ENPP2: variants seen among roughly 807,000 people sequenced by gnomAD.
ENPP2 encodes the protein ectonucleotide pyrophosphatase/phosphodiesterase 2, also known as autotaxin.
Under a neutral mutation model 120.2 loss-of-function variants are expected in ENPP2, and 51 were observed. The observed-to-expected ratio is 0.42, with a 90% CI of 0.34 to 0.54. ENPP2 has a LOEUF of 0.54. Ranked by LOEUF, ENPP2 falls within the 20% of genes least tolerant of loss-of-function variation. The probability of loss-of-function intolerance (pLI) is 0.04; values close to 1 mark genes in which losing one functional copy is unlikely to be tolerated. For missense variants in ENPP2, 920 were observed against 1,066.5 expected (o/e 0.86, Z 1.91); for synonymous variants, 365 against 366.4 (o/e 1.00, Z 0.04).
At chr8:119,599,314 A>T (rs1221319175) in intron 11 of ENPP2, among the ~76,000 whole-genome samples, 2 of 152,202 alleles carry the variant, frequency 1.3e-5, no homozygotes, top group African/African-American at 4.8e-5. Flanking sequence ...ATTGATGTCA[A>T]AGCATTCAGA....
At chr8:119,583,493 A>T (rs1812891327) in intron 17 of ENPP2, among the ~76,000 whole-genome samples, 1 of 152,246 alleles carries the variant, frequency 6.6e-6, no homozygotes, top group Non-Finnish European at 1.5e-5. Flanking sequence ...TGCCAACAGC[A>T]ACACTATGAA....
intron 21 of ENPP2, among the ~76,000 whole-genome samples, chr8:119,569,010 GACA>G (rs3835102): frequency 0.047 from 7,134 of 152,248 alleles, 254 homozygotes; most frequent in South Asian, 0.12. Context: ...TGTAAGGCGG[GACA>G]CAGAAGATTC....
upstream of ENPP2, among the ~76,000 whole-genome samples, chr8:119,643,073 G>C (rs1479573805): frequency 6.6e-6 from 1 of 152,166 alleles, no homozygotes; most frequent in Non-Finnish European, 1.5e-5. Context: ...GTCATTTTCT[G>C]TAGTATCATT....
chr8:119,658,792 A>G (rs2130890729), intron 1 of ENPP2, among the ~76,000 whole-genome samples: 1 of 152,130 alleles, frequency 6.6e-6, no homozygotes, highest in East Asian at 1.9e-4. Context: ...AAGTCCCCAA[A>G]CCCCAGCACT....
upstream of ENPP2, among the ~76,000 whole-genome samples, chr8:119,643,307 C>T (rs1250014894): frequency 8.5e-5 from 13 of 152,120 alleles, no homozygotes; most frequent in Non-Finnish European, 1.5e-4. Flanking sequence ...GGCTCAATTG[C>T]TCCCACAATC....
Position 119,582,453 on chromosome 8 carries a change from G to A in ENPP2, c.1693C>T (p.Leu565=). The A allele has an allele frequency of 1.2e-6, 2 of 1,614,000 alleles. No homozygotes were observed. The highest frequency in any genetic ancestry group is 8.5e-7 in the Non-Finnish European group (1 of 1,179,936). Residue 565 remains leucine (L), a synonymous_variant, in exon 18 of 25, where the codon CTG becomes TTG. Coordinates refer to ENST00000075322, the MANE Select transcript of ENPP2 (RefSeq NM_001040092.3). ...GIMYLQSDFD[L]GCTCDDKVEP... The stretch of plus-strand genomic sequence containing the variant: ...ACCTTATCATCACAAGTGCAGCCCA[G>A]GTCAAAATCAGACTGAAGGTACATA...
intron 23 of ENPP2, among the ~76,000 whole-genome samples, chr8:119,564,443 C>T (rs1563667347): frequency 1.3e-5 from 2 of 151,888 alleles, no homozygotes; most frequent in East Asian, 1.9e-4. Flanking sequence ...TTTGGGAGGC[C>T]GAGGAGGGTA....
chr8:119,562,314 C>G (rs1180971302), intron 24 of ENPP2, among the ~76,000 whole-genome samples: 80 of 141,254 alleles, frequency 5.7e-4, no homozygotes, highest in Middle Eastern at 4.8e-3. Context: ...ATGGTGGTGC[C>G]CGCCTACAAT....
intron 8 of ENPP2, among the ~76,000 whole-genome samples, chr8:119,614,356 C>T (rs547935493): frequency 3.3e-5 from 5 of 152,220 alleles, no homozygotes; most frequent in South Asian, 2.1e-4. Context: ...TGAGCCACCA[C>T]GCCCGGCCCC....
At chr8:119,648,189 A>C (rs1253717412) in intron 1 of ENPP2, among the ~76,000 whole-genome samples, 1 of 152,214 alleles carries the variant, frequency 6.6e-6, no homozygotes, top group East Asian at 1.9e-4. Context: ...CCTCAGTGCT[A>C]AAACACACAA....
intron 8 of ENPP2, among the ~76,000 whole-genome samples, chr8:119,609,629 G>T (rs982550209): frequency 7.9e-5 from 12 of 152,154 alleles, no homozygotes; most frequent in African/African-American, 2.7e-4. Flanking sequence ...GCAAGAAGAT[G>T]AGCTCAAATG....
chr8:119,584,384 C>A (rs527956190), intron 15 of ENPP2, among the ~76,000 whole-genome samples: 2 of 152,144 alleles, frequency 1.3e-5, no homozygotes, highest in African/African-American at 2.4e-5. Context: ...ATTCTCGACT[C>A]TAGGACCATG....
At chr8:119,570,472 A>G (rs981416103) in intron 20 of ENPP2, among the ~76,000 whole-genome samples, 2 of 152,208 alleles carry the variant, frequency 1.3e-5, no homozygotes, top group East Asian at 3.8e-4. Flanking sequence ...AGAGTAAAAG[A>G]AAATAAAAGA....
upstream of ENPP2, among the ~76,000 whole-genome samples, chr8:119,639,354 C>T (rs1356963755): frequency 2.0e-5 from 3 of 152,108 alleles, no homozygotes; most frequent in Non-Finnish European, 4.4e-5. Flanking sequence ...CGACCCTGTC[C>T]CTAGTATCAC....
chr8:119,563,529 T>C (rs1814142914), intron 23 of ENPP2, among the ~76,000 whole-genome samples: 1 of 152,164 alleles, frequency 6.6e-6, no homozygotes, highest in East Asian at 1.9e-4. Context: ...AATGACCCTT[T>C]CAAGCTACAA....
chr8:119,564,730 CA>C, intron 23 of ENPP2, 92 bp downstream of exon 23: 1 of 975,372 alleles, frequency 1.0e-6, no homozygotes, highest in South Asian at 2.5e-5. Context: ...TAAGGGGTGT[CA>C]TCTCTTCTCT....
At chr8:119,587,454 C>T (rs1021053828) in intron 13 of ENPP2, among the ~76,000 whole-genome samples, 3 of 152,178 alleles carry the variant, frequency 2.0e-5, no homozygotes, top group African/African-American at 7.2e-5. Context: ...GCATTTGGGG[C>T]TTTTAATGTA....
intron 11 of ENPP2, among the ~76,000 whole-genome samples, chr8:119,597,983 A>G (rs1814022037): frequency 6.6e-6 from 1 of 152,198 alleles, no homozygotes; most frequent in East Asian, 1.9e-4. Flanking sequence ...TCTTATATGT[A>G]AAAGATACGT....
In ENPP2 at chr8:119,617,197, A is replaced by G; in HGVS notation, c.624T>C (p.Thr208=). 1 of 1,613,562 alleles carries G rather than the reference A, an allele frequency of 6.2e-7. No individual in the cohort carries two copies. The highest frequency in any genetic ancestry group is 2.2e-5 in the East Asian group (1 of 44,860). The change falls in exon 7 of 25, where the codon ACT becomes ACC. Residue 208 remains threonine (T), a synonymous_variant. Coordinates refer to ENST00000075322, the MANE Select transcript of ENPP2 (RefSeq NM_001040092.3). ...AAGTGTATAAGTTAGGAAAGGTTTT[A>G]GTTGGGTACACCGGCCTCATGTAGG... is the stretch of plus-strand genomic sequence containing the variant. ...HSPYMRPVYP[T]KTFPNLYTLA...
Sources: gnomAD v4.1 joint callset for allele counts (sites outside exome capture counted in the v4.1 genomes callset) on GRCh38, gnomAD v4.1.1 for gene constraint, MANE v1.5 for transcripts, NCBI Gene and HGNC (gene_info 2026-07-23, HGNC 2026-07-21) for gene names.